The following ATP2C1 variants were observed in gnomAD, a reference collection of about 807,000 sequenced individuals.
ATP2C1 encodes the protein ATPase secretory pathway Ca2+ transporting 1, also known as calcium-transporting ATPase type 2C member 1.
ATP2C1 carries 31 observed loss-of-function variants against 120.5 expected under a neutral mutation model. The ratio of observed to expected loss-of-function variants is 0.26; its 90% CI spans 0.19 to 0.35. The LOEUF is 0.35. ATP2C1 is among the 10% of genes least tolerant of loss of function. The pLI is 1.00. For missense variants in ATP2C1, 731 were observed against 1,107.5 expected (o/e 0.66, Z 4.83); for synonymous variants, 351 against 358.7 (o/e 0.98, Z 0.24).
At chr3:130,871,718 A>C (rs538929170) in intron 1 of ATP2C1, among the ~76,000 whole-genome samples, 1 of 152,280 alleles carries the variant, frequency 6.6e-6, no homozygotes, top group Admixed American at 6.5e-5. Context: ...AGTGTTACTT[A>C]ATGCTTAGTA....
At chr3:130,910,010 G>A (rs2058320886) in intron 2 of ATP2C1, among the ~76,000 whole-genome samples, 2 of 152,054 alleles carry the variant, frequency 1.3e-5, no homozygotes, top group Non-Finnish European at 2.9e-5. Context: ...CCAGCTAGTA[G>A]TAGGTTTTTA....
chr3:130,997,648 T>C lies in ATP2C1; in HGVS notation c.2286T>C (p.Pro762=). ...TGGATAAAGATGTCATTCGTAAACC[T>C]CCTCGCAACTGGAAAGACAGCATTT... ...EPVDKDVIRK[P]PRNWKDSILT... is the part of the protein sequence containing the mutation. Residue 762 remains proline (P), a synonymous_variant, in exon 25 of 28, where the codon CCT becomes CCC. Coordinates refer to ENST00000510168, the MANE Select transcript of ATP2C1 (RefSeq NM_001378687.1). The C allele has an allele frequency of 6.2e-7, 1 of 1,613,696 alleles. No individual in the cohort carries two copies. The highest frequency in any genetic ancestry group is 1.1e-5 in the South Asian group (1 of 91,080).
At chr3:131,004,470 G>C (rs2063023592), downstream of ATP2C1, among the ~76,000 whole-genome samples, 1 of 152,178 alleles carries the variant, frequency 6.6e-6, no homozygotes, top group African/African-American at 2.4e-5. Flanking sequence ...CCAGTCCCTG[G>C]TATTAATGTA....
In ATP2C1 at chr3:130,942,288, G is replaced by A. The variant is rs2059957468; in HGVS notation, c.531+589G>A. On this transcript the variant is annotated intron_variant, in intron 8 of 27. Transcript: ENST00000510168. ...GATGGAATCAGATTTCAGAGGCCTT[G>A]GATACTAGGCTTAACTTCAGATTTT... 2.0e-5 allele frequency among the ~76,000 whole-genome samples: 3 copies of A among 152,302 alleles called. No individual in the cohort carries two copies. In the Middle Eastern group the frequency reaches 0.01, roughly 518 times the overall value.
intron 2 of ATP2C1, among the ~76,000 whole-genome samples, chr3:130,927,500 C>T (rs1411555080): frequency 1.3e-5 from 2 of 152,256 alleles, no homozygotes; most frequent in African/African-American, 2.4e-5. Context: ...TTCAGCCTCC[C>T]AAAGTGCTGG....
chr3:130,942,067 CA>C (rs2059945792), intron 8 of ATP2C1, among the ~76,000 whole-genome samples: 1 of 152,150 alleles, frequency 6.6e-6, no homozygotes, highest in Non-Finnish European at 1.5e-5. Flanking sequence ...AGGATATAGA[CA>C]TTTAAAGAAG....
intron 23 of ATP2C1, 95 bp downstream of exon 23, chr3:130,996,206 T>C (rs2062615088): frequency 2.2e-6 from 2 of 928,134 alleles, no homozygotes; most frequent in East Asian, 4.8e-5. Context: ...CTCTGCCTTA[T>C]ATTTGTGAGC....
intron 1 of ATP2C1, among the ~76,000 whole-genome samples, chr3:130,883,119 A>C (rs2068839304): frequency 2.0e-5 from 3 of 152,192 alleles, no homozygotes; most frequent in Admixed American, 1.3e-4. Context: ...TAAATTTTCC[A>C]ATTTATTAGC....
chr3:130,964,051 A>G lies in ATP2C1; in HGVS notation c.980A>G (p.Lys327Arg), dbSNP rs1356899214. 2 of 1,612,612 alleles carry G rather than the reference A, an allele frequency of 1.2e-6. No individual in the cohort carries two copies. Among genetic ancestry groups the G allele is most frequent in the Admixed American group, 1.7e-5 (1 of 59,906 alleles). ...GCTCTTGGTGTTATGAGAATGGTGA[A>G]GAAAAGGGCCATTGTGAAAAAGCTG... ...TLALGVMRMV[K>R]KRAIVKKLPI... The change falls in exon 13 of 28, where the codon AAG (lysine) becomes AGG (arginine). Residue 327 changes from lysine to arginine, a missense_variant. Coordinates refer to ENST00000510168, the MANE Select transcript of ATP2C1 (RefSeq NM_001378687.1).
chr3:130,923,288 G>A (rs981762457), intron 2 of ATP2C1, among the ~76,000 whole-genome samples: 3 of 151,518 alleles, frequency 2.0e-5, no homozygotes, highest in Admixed American at 6.6e-5. Context: ...GTGTAGTGGT[G>A]CGACCTTGGC....
At chr3:130,981,754 A>AAGTG (rs1190313766) in intron 20 of ATP2C1, among the ~76,000 whole-genome samples, 16 of 152,182 alleles carry the variant, frequency 1.1e-4, no homozygotes, top group Admixed American at 2.6e-4. Context: ...CCATTCTGAT[A>AAGTG]AGTGTACAAT....
At chr3:130,941,016 G>A (rs189898605) in intron 7 of ATP2C1, among the ~76,000 whole-genome samples, 4 of 107,008 alleles carry the variant, frequency 3.7e-5, no homozygotes, top group Admixed American at 2.0e-4. Flanking sequence ...CCGGGTTCAC[G>A]CCATTTTCTT....
At chr3:130,988,763 C>CAA in intron 20 of ATP2C1, among the ~76,000 whole-genome samples, 1 of 152,256 alleles carries the variant, frequency 6.6e-6, no homozygotes, top group African/African-American at 2.4e-5. Flanking sequence ...CAGTTCTAGG[C>CAA]AAGATTAGGC....
At chr3:131,014,062 C>G in intron 26 of ATP2C1, 1 of 1,567,508 alleles carries the variant, frequency 6.4e-7, no homozygotes, top group Non-Finnish European at 8.6e-7. Flanking sequence ...GAGTTTTATT[C>G]AATGTTGGAG....
chr3:130,917,790 A>G (rs2058751501), intron 2 of ATP2C1, among the ~76,000 whole-genome samples: 3 of 152,244 alleles, frequency 2.0e-5, no homozygotes, highest in Admixed American at 1.3e-4. Flanking sequence ...ATGAGCTTTG[A>G]TTAGCTACTC....
Position 130,918,277 on chromosome 3 carries a change from G to A in ATP2C1, c.7-12139G>A, listed in dbSNP as rs1445755530. ...CATAGCCAAATCCCTTGGGCCCAAA[G>A]TTCTTTGCATAGCACCCTTTACAAT... is the stretch of plus-strand genomic sequence containing the variant. On this transcript the variant is annotated intron_variant, in intron 2 of 27. Transcript: ENST00000510168. 16 of 1,548,184 alleles carry A rather than the reference G, an allele frequency of 1.0e-5. No homozygotes were observed. In the Admixed American group the frequency reaches 1.2e-4, roughly 11 times the overall value.
chr3:130,898,495 A>G (rs1307814036), intron 2 of ATP2C1, among the ~76,000 whole-genome samples: 1 of 152,126 alleles, frequency 6.6e-6, no homozygotes, highest in Non-Finnish European at 1.5e-5. Context: ...AATATAGTTT[A>G]TGTTGTTTGC....
intron 27 of ATP2C1, 79 bp downstream of exon 27, chr3:130,999,738 T>C: frequency 7.3e-7 from 1 of 1,361,372 alleles, no homozygotes; most frequent in East Asian, 2.5e-5. Context: ...AATTTTAAAA[T>C]TCTTTTAAAA....
chr3:130,926,519 C>T (rs987314370), intron 2 of ATP2C1, among the ~76,000 whole-genome samples: 1 of 152,236 alleles, frequency 6.6e-6, no homozygotes, highest in African/African-American at 2.4e-5. Flanking sequence ...TTTAACTGCT[C>T]TGGCTAATCC....
Sources: allele counts gnomAD v4.1 joint callset (sites outside exome capture counted in the v4.1 genomes callset), GRCh38; gene constraint gnomAD v4.1.1; transcripts MANE v1.5; gene names NCBI Gene and HGNC (gene_info 2026-07-23, HGNC 2026-07-21).